Variants in RGS7 observed in about 807,000 individuals in gnomAD.
RGS7 encodes the protein regulator of G protein signaling 7, also known as regulator of G-protein signaling 7.
In RGS7, 27 loss-of-function variants were observed where a neutral mutation model predicts 81.1. The observed-to-expected ratio is 0.33, with a 90% CI of 0.25 to 0.46. The LOEUF (loss-of-function observed/expected upper bound fraction) is 0.46. RGS7 is among the 20% of genes least tolerant of loss of function. The pLI is 1.00. For synonymous variants in RGS7, 208 were observed against 207.7 expected, an observed-to-expected ratio of 1.00 and a Z score of -0.01; for missense variants, 396 against 607.4, an observed-to-expected ratio of 0.65 and a Z score of 3.66.
Position 240,825,917 on chromosome 1 carries a change from G to A in RGS7, c.684+1181C>T, listed in dbSNP as rs549056560. 3.3e-5 allele frequency among the ~76,000 whole-genome samples: 5 copies of A among 152,282 alleles called. No homozygotes were observed. The South Asian group carries it at 6.2e-4, about 19-fold the overall frequency. On this transcript the variant is annotated intron_variant, in intron 10 of 18. Transcript: ENST00000440928. ...AGCATGTCTGTGTTAGGGTCTGTTG[G>A]GGGAAACAGGACACCCAATAAAGTA...
intron 9 of RGS7, among the ~76,000 whole-genome samples, chr1:240,839,324 G>A (rs961980449): frequency 6.6e-6 from 1 of 152,112 alleles, no homozygotes; most frequent in African/African-American, 2.4e-5. Flanking sequence ...CGAATGAACC[G>A]ATCAAAGCAC....
chr1:240,884,544 G>T (rs1667016915), intron 6 of RGS7, among the ~76,000 whole-genome samples: 1 of 152,118 alleles, frequency 6.6e-6, no homozygotes, highest in South Asian at 2.1e-4. Context: ...GCATGGTATT[G>T]GTACAAAAAC....
chr1:240,853,123 T>C (rs570197313), intron 9 of RGS7, among the ~76,000 whole-genome samples: 12 of 152,328 alleles, frequency 7.9e-5, no homozygotes, highest in African/African-American at 2.6e-4. Context: ...TGCAACCACA[T>C]GCATGTTTAA....
chr1:241,177,568 G>A (rs1461184555), intron 2 of RGS7, among the ~76,000 whole-genome samples: 1 of 152,152 alleles, frequency 6.6e-6, no homozygotes, highest in Non-Finnish European at 1.5e-5. Flanking sequence ...ATTAAAATAG[G>A]ACTGTGCATG....
chr1:240,999,104 T>A (rs1022236528), intron 3 of RGS7, among the ~76,000 whole-genome samples: 1 of 152,162 alleles, frequency 6.6e-6, no homozygotes, highest in Non-Finnish European at 1.5e-5. Flanking sequence ...ATTGAGCCCA[T>A]CCACTGAGTT....
chr1:241,316,653 C>G (rs1426485545), intron 2 of RGS7, among the ~76,000 whole-genome samples: 4 of 152,096 alleles, frequency 2.6e-5, no homozygotes, highest in African/African-American at 9.7e-5. Flanking sequence ...CTGGTGAAGA[C>G]GGTTTACTAG....
chr1:240,804,404 G>A (rs1688499961), intron 15 of RGS7, among the ~76,000 whole-genome samples: 1 of 152,090 alleles, frequency 6.6e-6, no homozygotes, highest in South Asian at 2.1e-4. Context: ...TCACAGAGCA[G>A]AGCTGAAATC....
intron 6 of RGS7, among the ~76,000 whole-genome samples, chr1:240,874,041 G>T (rs1664937954): frequency 6.6e-6 from 1 of 152,060 alleles, no homozygotes; most frequent in Admixed American, 6.6e-5. Context: ...TCCTTAATGA[G>T]ATTAGTGCTT....
intron 2 of RGS7, among the ~76,000 whole-genome samples, chr1:241,154,598 C>T (rs1203129821): frequency 6.6e-6 from 1 of 152,194 alleles, no homozygotes; most frequent in Non-Finnish European, 1.5e-5. Flanking sequence ...AGGGTGTCTC[C>T]CCGAATGTCG....
intron 3 of RGS7, among the ~76,000 whole-genome samples, chr1:241,091,204 T>G (rs760567803): frequency 1.8e-4 from 27 of 152,168 alleles, no homozygotes; most frequent in Non-Finnish European, 3.2e-4. Flanking sequence ...GTTTCCAAAT[T>G]ACTAACTAAT....
At chr1:240,899,712 T>C (rs918721547) in intron 6 of RGS7, among the ~76,000 whole-genome samples, 15 of 152,216 alleles carry the variant, frequency 9.9e-5, no homozygotes, top group Non-Finnish European at 2.2e-4. Context: ...CTGGCTGCCC[T>C]TAACATTTTT....
intron 18 of RGS7, among the ~76,000 whole-genome samples, chr1:240,788,910 G>A (rs1290806236): frequency 6.6e-6 from 1 of 152,116 alleles, no homozygotes; most frequent in Admixed American, 6.5e-5. Flanking sequence ...GGCCAAGGTG[G>A]GTGGATCACT....
intron 18 of RGS7, among the ~76,000 whole-genome samples, chr1:240,778,818 C>T (rs1026663511): frequency 6.6e-6 from 1 of 152,224 alleles, no homozygotes; most frequent in African/African-American, 2.4e-5. Flanking sequence ...AGGCACAAGC[C>T]ACTGCGCCCG....
chr1:240,998,449 G>A (rs912805233), intron 3 of RGS7: 9 of 857,382 alleles, frequency 1.0e-5, no homozygotes, highest in African/African-American at 6.8e-5. Flanking sequence ...AAGAGGTTTC[G>A]TCAAAAAGAC....
At chr1:240,864,149 G>A (rs188315091) in intron 9 of RGS7, among the ~76,000 whole-genome samples, 27 of 152,266 alleles carry the variant, frequency 1.8e-4, no homozygotes, top group Admixed American at 1.3e-3. Flanking sequence ...ACTGGACTAC[G>A]AGTTTTAGGA....
intron 2 of RGS7, among the ~76,000 whole-genome samples, chr1:241,327,047 G>T (rs1573691898): frequency 5.2e-5 from 2 of 38,762 alleles, no homozygotes; most frequent in Non-Finnish European, 1.0e-4. Context: ...AGGGAGGGAG[G>T]GGAAAGGAAG....
chr1:240,828,120 T>C (rs56747375), intron 9 of RGS7, among the ~76,000 whole-genome samples: 6,663 of 152,276 alleles, frequency 0.044, 222 homozygotes, highest in African/African-American at 0.093. Context: ...GATAAATTCC[T>C]GACCTTCCTT....
intron 2 of RGS7, among the ~76,000 whole-genome samples, chr1:241,162,257 G>A (rs1035012034): frequency 1.4e-5 from 2 of 139,262 alleles, no homozygotes; most frequent in East Asian, 2.0e-4. Flanking sequence ...GGGCGAGCAC[G>A]CTAAGCATGT....
intron 2 of RGS7, chr1:241,132,236 A>T (rs971263340): frequency 1.3e-5 from 2 of 154,800 alleles, no homozygotes; most frequent in Non-Finnish European, 2.9e-5. Context: ...ATTTTTTTCC[A>T]GGTGGCCATG....
Sources: gnomAD v4.1 joint callset for allele counts (sites outside exome capture counted in the v4.1 genomes callset) on GRCh38, gnomAD v4.1.1 for gene constraint, MANE v1.5 for transcripts, NCBI Gene and HGNC (gene_info 2026-07-23, HGNC 2026-07-21) for gene names.